Variants in XRCC1 observed in about 807,000 individuals in gnomAD.
XRCC1 encodes the protein X-ray repair cross complementing 1, also known as DNA repair protein XRCC1.
A neutral mutation model predicts 83.3 loss-of-function variants in XRCC1; 52 were observed. The ratio of observed to expected loss-of-function variants is 0.62; its 90% CI spans 0.50 to 0.79. The LOEUF (loss-of-function observed/expected upper bound fraction) is 0.79. Ranked by LOEUF, XRCC1 falls within the 30% of genes least tolerant of loss-of-function variation. The pLI, the probability that XRCC1 is intolerant of heterozygous loss-of-function variation, is 0.00. For synonymous variants in XRCC1, 281 were observed against 312.6 expected (o/e 0.90, Z 1.07); for missense variants, 793 against 823.5 (o/e 0.96, Z 0.45).
chr19:43,553,285 C>T, intron 6 of XRCC1, 116 bp downstream of exon 6: 1 of 1,269,678 alleles, frequency 7.9e-7, no homozygotes, highest in Non-Finnish European at 1.1e-6. Flanking sequence ...GAGTCCAGGA[C>T]TCCACTACCC....
At chr19:43,552,757 G>A (rs1972594087) in intron 8 of XRCC1, 40 bp downstream of exon 8, 4 of 1,540,834 alleles carry the variant, frequency 2.6e-6, no homozygotes, top group Non-Finnish European at 2.6e-6. Context: ...GGACACAGGA[G>A]CACAGGCCCC....
intron 2 of XRCC1, among the ~76,000 whole-genome samples, chr19:43,564,043 GT>G (rs1469941763): frequency 6.6e-6 from 1 of 152,130 alleles, no homozygotes; most frequent in Admixed American, 6.6e-5. Context: ...TTGTGCCTCA[GT>G]TTTCGAACCT....
At chr19:43,556,320 C>T (rs557332844) in intron 3 of XRCC1, among the ~76,000 whole-genome samples, 1 of 152,288 alleles carries the variant, frequency 6.6e-6, no homozygotes, top group South Asian at 2.1e-4. Context: ...TCCCCAAAGG[C>T]AACGCCCACA....
chr19:43,545,717 G>T, intron 14 of XRCC1, 101 bp downstream of exon 14: 1 of 1,494,426 alleles, frequency 6.7e-7, no homozygotes, highest in South Asian at 1.3e-5. Flanking sequence ...GGGGAGGCAA[G>T]ACACGGGGGC....
intron 2 of XRCC1, among the ~76,000 whole-genome samples, chr19:43,569,858 G>A (rs1370402740): frequency 6.6e-6 from 1 of 152,010 alleles, no homozygotes; most frequent in Non-Finnish European, 1.5e-5. Flanking sequence ...CATAACAAGG[G>A]AAGCCAGATA....
intron 10 of XRCC1, among the ~76,000 whole-genome samples, chr19:43,548,088 C>G: frequency 1.5e-5 from 2 of 130,972 alleles, no homozygotes; most frequent in East Asian, 2.2e-4. Context: ...GGGGGCCAGC[C>G]GCCCCATCCG....
intron 12 of XRCC1, 57 bp downstream of exon 12, chr19:43,546,538 C>G (rs1972512314): frequency 6.4e-7 from 1 of 1,561,098 alleles, no homozygotes. Context: ...GGCCGCAGGC[C>G]CTCCTCCCTC....
chr19:43,560,843 G>C, intron 3 of XRCC1, 67 bp downstream of exon 3: 1 of 1,346,532 alleles, frequency 7.4e-7, no homozygotes, highest in East Asian at 2.3e-5. Flanking sequence ...CCAGCCCCTG[G>C]GGGAGACGGT....
At chr19:43,567,057 G>A (rs1482947449) in intron 2 of XRCC1, among the ~76,000 whole-genome samples, 1 of 152,086 alleles carries the variant, frequency 6.6e-6, no homozygotes, top group Non-Finnish European at 1.5e-5. Context: ...TATGCAAAGT[G>A]TAACAAGGTT....
chr19:43,553,335 T>C (rs1445563952), intron 6 of XRCC1, 66 bp downstream of exon 6: 2 of 1,554,688 alleles, frequency 1.3e-6, no homozygotes, highest in East Asian at 4.5e-5. Flanking sequence ...CAGCCCCCTC[T>C]ACCCTCAGAC....
intron 8 of XRCC1, 111 bp from the exon 9 acceptor site, chr19:43,552,386 C>A: frequency 1.3e-6 from 1 of 754,814 alleles, no homozygotes; most frequent in East Asian, 2.8e-5. Context: ...TCAGACCCAG[C>A]AATCCAGGCC....
intron 3 of XRCC1, 159 bp from the exon 4 acceptor site, chr19:43,554,963 C>T: frequency 2.8e-6 from 2 of 721,528 alleles, no homozygotes; most frequent in South Asian, 4.1e-5. Context: ...GTTTCTAGGC[C>T]TTGAGTCAGT....
At chr19:43,552,618 C>T (rs1304305588) in intron 8 of XRCC1, among the ~76,000 whole-genome samples, 179 bp downstream of exon 8, 2 of 150,846 alleles carry the variant, frequency 1.3e-5, no homozygotes, top group African/African-American at 4.9e-5. Flanking sequence ...GGTTTAGGCC[C>T]TCAGCCCCTC....
intron 10 of XRCC1, among the ~76,000 whole-genome samples, chr19:43,549,756 C>A (rs1972557208): frequency 6.6e-6 from 1 of 152,038 alleles, no homozygotes; most frequent in Non-Finnish European, 1.5e-5. Context: ...TGGGGTCTCA[C>A]CACGTTGCCT....
intron 2 of XRCC1, among the ~76,000 whole-genome samples, chr19:43,569,191 G>A (rs1972783285): frequency 6.6e-6 from 1 of 151,996 alleles, no homozygotes; most frequent in Non-Finnish European, 1.5e-5. Context: ...AATGACAATA[G>A]GCCAGGTGCA....
At chr19:43,574,889 G>C (rs756677427) in intron 2 of XRCC1, 21 bp downstream of exon 2, 4 of 1,601,250 alleles carry the variant, frequency 2.5e-6, no homozygotes. Context: ...TAGTGAGGAG[G>C]AGGTGGGGTG....
intron 6 of XRCC1, 51 bp downstream of exon 6, chr19:43,553,350 G>A (rs759135706): frequency 1.9e-5 from 30 of 1,579,722 alleles, no homozygotes; most frequent in South Asian, 7.8e-5. Context: ...TCAGACCCAC[G>A]AGTCTAGGTC....
intron 6 of XRCC1, 149 bp from the exon 7 acceptor site, chr19:43,553,240 A>G (rs933108119): frequency 2.7e-5 from 31 of 1,164,666 alleles, no homozygotes; most frequent in Non-Finnish European, 1.3e-5. Flanking sequence ...AGGACACAAG[A>G]GGCCAGGCCC....
intron 10 of XRCC1, among the ~76,000 whole-genome samples, chr19:43,551,133 A>C (rs1972570252): frequency 6.6e-6 from 1 of 151,780 alleles, no homozygotes; most frequent in African/African-American, 2.4e-5. Flanking sequence ...AAGCCCAGCT[A>C]ATTTTTGTGT....
Sources: gnomAD v4.1 joint callset for allele counts (sites outside exome capture counted in the v4.1 genomes callset) on GRCh38, gnomAD v4.1.1 for gene constraint, MANE v1.5 for transcripts, NCBI Gene and HGNC (gene_info 2026-07-23, HGNC 2026-07-21) for gene names.